The following UNC5B variants were observed in gnomAD, a reference collection of about 807,000 sequenced individuals.
The protein encoded by UNC5B is netrin receptor UNC5B.
In UNC5B, 56 loss-of-function variants were observed where a neutral mutation model predicts 103.7. The ratio of observed to expected loss-of-function variants is 0.54; its 90% CI spans 0.44 to 0.67. The LOEUF (loss-of-function observed/expected upper bound fraction) is 0.67. UNC5B is among the 30% of genes least tolerant of loss of function. The probability of loss-of-function intolerance (pLI) is 0.00; values close to 1 mark genes in which losing one functional copy is unlikely to be tolerated. For synonymous variants in UNC5B, 577 were observed against 542.0 expected, an observed-to-expected ratio of 1.06 and a Z score of -0.90; for missense variants, 1,194 against 1,284.5, an observed-to-expected ratio of 0.93 and a Z score of 1.08.
intron 1 of UNC5B, among the ~76,000 whole-genome samples, chr10:71,233,384 C>T (rs376418936): frequency 6.6e-6 from 1 of 152,160 alleles, no homozygotes; most frequent in Non-Finnish European, 1.5e-5. Context: ...AATGCTGAGC[C>T]GCATCCCTAG....
chr10:71,299,373 T>G lies in UNC5B; in HGVS notation c.*96T>G. 1 of 1,501,552 alleles carries G rather than the reference T, an allele frequency of 6.7e-7. No individual in the cohort carries two copies. The allele number at this position is 1,501,552 out of a possible 1,614,324, so 93.0% of individuals were successfully genotyped here. A position where few individuals can be genotyped will look rare whatever the true frequency, so the allele number is the denominator to read the frequency against. On this transcript the variant is annotated 3_prime_UTR_variant, in exon 17 of 17. Transcript: ENST00000335350. ...ATGGGGATGTTTGGCCTCTGCTTCC[T>G]CCCAGTTCACAGCCAGAGTTGCCTC...
intron 1 of UNC5B, among the ~76,000 whole-genome samples, chr10:71,266,037 C>G (rs1256827156): frequency 6.6e-6 from 1 of 152,150 alleles, no homozygotes; most frequent in Non-Finnish European, 1.5e-5. Context: ...CAAAAGTGTT[C>G]TGGTATTTCC....
intron 15 of UNC5B, 84 bp from the exon 16 acceptor site, chr10:71,297,825 T>G: frequency 1.3e-5 from 19 of 1,426,428 alleles, no homozygotes; most frequent in East Asian, 2.3e-5. Context: ...CAAGGCTCAA[T>G]GAGCTCACAG....
chr10:71,228,686 C>T (rs1843620747), intron 1 of UNC5B, among the ~76,000 whole-genome samples: 1 of 152,218 alleles, frequency 6.6e-6, no homozygotes, highest in South Asian at 2.1e-4. Flanking sequence ...GACGGGAAAA[C>T]ATGAAACACT....
At chr10:71,269,103 G>C (rs1844586837) in intron 1 of UNC5B, among the ~76,000 whole-genome samples, 1 of 152,178 alleles carries the variant, frequency 6.6e-6, no homozygotes, top group Admixed American at 6.5e-5. Context: ...TAGCCTTTAA[G>C]GGAAAGCATG....
At chr10:71,287,987 C>T (rs1053136222) in intron 6 of UNC5B, among the ~76,000 whole-genome samples, 3 of 152,188 alleles carry the variant, frequency 2.0e-5, no homozygotes, top group African/African-American at 7.2e-5. Flanking sequence ...TGAGGGTTAG[C>T]CCCTTCTCCC....
At chr10:71,266,374 G>T (rs774972151) in intron 1 of UNC5B, among the ~76,000 whole-genome samples, 1 of 152,092 alleles carries the variant, frequency 6.6e-6, no homozygotes, top group Admixed American at 6.5e-5. Flanking sequence ...GCCCTCTCAC[G>T]GTGTCCTCAG....
In UNC5B at chr10:71,293,847, C is replaced by A; in HGVS notation, c.2089C>A (p.Leu697Met). 1 of 1,610,832 alleles carries A rather than the reference C, an allele frequency of 6.2e-7. No homozygotes were observed. ...CCGCTCAGCAGTCAAGCGGCTCCAG[C>A]TGGCCGTCTTCGCCCCCGCCCTCTG... Reference protein sequence around the residue: ...YSRSAVKRLQLAVFAPALCTS... With the variant: ...YSRSAVKRLQMAVFAPALCTS... The change falls in exon 13 of 17, where the codon CTG (leucine) becomes ATG (methionine). Residue 697 changes from leucine (L) to methionine (M), a missense_variant. By Grantham distance (15) the Leu-to-Met change is conservative. Coordinates refer to ENST00000335350, the MANE Select transcript of UNC5B (RefSeq NM_170744.5).
At chr10:71,223,476 C>T (rs1843490523) in intron 1 of UNC5B, among the ~76,000 whole-genome samples, 1 of 152,158 alleles carries the variant, frequency 6.6e-6, no homozygotes, top group Non-Finnish European at 1.5e-5. Flanking sequence ...TGAGCACTTA[C>T]TGTGTACCCA....
intron 1 of UNC5B, among the ~76,000 whole-genome samples, chr10:71,275,279 A>G (rs1844742902): frequency 6.6e-6 from 1 of 152,196 alleles, no homozygotes; most frequent in Non-Finnish European, 1.5e-5. Context: ...TCATGTGGGA[A>G]TTTTCCTGCC....
chr10:71,254,150 G>A (rs1844238468), intron 1 of UNC5B, among the ~76,000 whole-genome samples: 1 of 152,224 alleles, frequency 6.6e-6, no homozygotes, highest in Non-Finnish European at 1.5e-5. Context: ...CCTATAGCAG[G>A]TGGTTATGCA....
intron 1 of UNC5B, among the ~76,000 whole-genome samples, chr10:71,244,718 G>T (rs961272604): frequency 1.3e-5 from 2 of 152,226 alleles, no homozygotes; most frequent in Non-Finnish European, 2.9e-5. Context: ...GTCCGCTTCC[G>T]AGAACCCGCG....
intron 1 of UNC5B, among the ~76,000 whole-genome samples, chr10:71,225,756 T>G (rs905827813): frequency 6.6e-6 from 1 of 152,158 alleles, no homozygotes; most frequent in African/African-American, 2.4e-5. Flanking sequence ...GCTCCCACAC[T>G]GTTCAGAGCC....
chr10:71,227,212 T>C (rs1843583241), intron 1 of UNC5B, among the ~76,000 whole-genome samples: 1 of 152,174 alleles, frequency 6.6e-6, no homozygotes, highest in Non-Finnish European at 1.5e-5. Context: ...CTCGAACTCC[T>C]GACCTCAGGT....
intron 1 of UNC5B, among the ~76,000 whole-genome samples, chr10:71,245,119 T>TC (rs1215427528): frequency 2.0e-5 from 3 of 152,188 alleles, no homozygotes; most frequent in African/African-American, 7.2e-5. Context: ...TCTGACCTCC[T>TC]CTCCCCCAAC....
intron 1 of UNC5B, among the ~76,000 whole-genome samples, chr10:71,230,732 TC>T (rs1843665812): frequency 6.6e-6 from 1 of 152,272 alleles, no homozygotes; most frequent in Non-Finnish European, 1.5e-5. Flanking sequence ...CTGGCACCAT[TC>T]TGTCTGGCCT....
At chr10:71,243,616 C>T (rs1843957338) in intron 1 of UNC5B, among the ~76,000 whole-genome samples, 2 of 152,212 alleles carry the variant, frequency 1.3e-5, no homozygotes, top group East Asian at 1.9e-4. Context: ...AGGGTTAGTT[C>T]CCTTCCCTGT....
intron 5 of UNC5B, 44 bp from the exon 6 acceptor site, chr10:71,287,554 G>A (rs1845122139): frequency 6.5e-7 from 1 of 1,550,260 alleles, no homozygotes; most frequent in East Asian, 2.3e-5. Context: ...GAGGGCAGAG[G>A]GTTCCAGAGC....
At chr10:71,225,158 T>C (rs1346993979) in intron 1 of UNC5B, among the ~76,000 whole-genome samples, 2 of 152,214 alleles carry the variant, frequency 1.3e-5, no homozygotes, top group Admixed American at 6.5e-5. Flanking sequence ...CCCACCTTCT[T>C]TGAGCCTCAG....
Sources: allele counts gnomAD v4.1 joint callset (sites outside exome capture counted in the v4.1 genomes callset), GRCh38; gene constraint gnomAD v4.1.1; transcripts MANE v1.5; gene names NCBI Gene and HGNC (gene_info 2026-07-23, HGNC 2026-07-21).